Variants in MET observed in about 807,000 individuals in gnomAD.
MET encodes MET proto-oncogene, receptor tyrosine kinase, also known as hepatocyte growth factor receptor.
Under a neutral mutation model 133.1 loss-of-function variants are expected in MET, and 48 were observed. The ratio of observed to expected loss-of-function variants is 0.36; its 90% CI spans 0.29 to 0.46. The LOEUF (loss-of-function observed/expected upper bound fraction) is 0.46. Among genes scored for constraint, MET ranks in the 20% least tolerant of loss-of-function variants. The pLI is 1.00. For missense variants in MET, 1,442 were observed against 1,695.9 expected, an observed-to-expected ratio of 0.85 and a Z score of 2.63; for synonymous variants, 628 against 616.5, an observed-to-expected ratio of 1.02 and a Z score of -0.28.
At chr7:116,765,583 T>TA (rs1157261740) in intron 11 of MET, among the ~76,000 whole-genome samples, 1 of 152,102 alleles carries the variant, frequency 6.6e-6, no homozygotes, top group Non-Finnish European at 1.5e-5. Context: ...GAATGAATCC[T>TA]AAGCCCCATG....
rs1562882697 is a variant in MET at position 116,699,051 on chromosome 7, C to T, written c.-14-20C>T. On this transcript the variant is annotated intron_variant, in intron 1 of 20. Transcript: ENST00000397752. ...ATTTCTGACAACTGAACTGCTCTCG[C>T]CTTGAACCTGTTTTGGCAGATAAAC... is the stretch of plus-strand genomic sequence containing the variant. 1 of 1,613,604 alleles carries T rather than the reference C, an allele frequency of 6.2e-7. No homozygotes were observed. Among genetic ancestry groups the T allele is most frequent in the Non-Finnish European group, 8.5e-7 (1 of 1,179,778 alleles).
At chr7:116,743,768 A>T (rs956723530) in intron 5 of MET, among the ~76,000 whole-genome samples, 1 of 152,174 alleles carries the variant, frequency 6.6e-6, no homozygotes, top group African/African-American at 2.4e-5. Context: ...GGGTCGACAG[A>T]CACCTCACAC....
chr7:116,782,233 T>A (rs369589827), intron 18 of MET, 136 bp downstream of exon 18: 10 of 719,188 alleles, frequency 1.4e-5, no homozygotes, highest in East Asian at 1.4e-4. Context: ...CTTAAATCGA[T>A]GTGTAAGCCC....
rs1795695936 is a variant in MET at position 116,796,862 on chromosome 7, A to C, written c.*738A>C. 5.7e-6 allele frequency: 1 copy of C among 176,560 alleles called. No homozygotes were observed. Among genetic ancestry groups the C allele is most frequent in the Non-Finnish European group, 1.2e-5 (1 of 82,046 alleles). 10.9% of individuals were successfully genotyped at this position (176,560 alleles called of 1,614,324 possible). On this transcript the variant is annotated 3_prime_UTR_variant, in exon 21 of 21. Transcript: ENST00000397752. Reference sequence around the variant, plus strand: ...TCAAACTCCTGGACTCAAGAAATCCACCCACCTCAGCCTCCCAAAGTGCTA... The same window carrying C: ...TCAAACTCCTGGACTCAAGAAATCCCCCCACCTCAGCCTCCCAAAGTGCTA...
intron 1 of MET, among the ~76,000 whole-genome samples, chr7:116,688,867 C>G (rs1796671263): frequency 6.6e-6 from 1 of 152,100 alleles, no homozygotes; most frequent in Non-Finnish European, 1.5e-5. Flanking sequence ...AGAGGGGATG[C>G]AAAAACAGAT....
intron 1 of MET, among the ~76,000 whole-genome samples, chr7:116,678,006 T>C (rs1796222088): frequency 6.6e-6 from 1 of 151,924 alleles, no homozygotes; most frequent in Non-Finnish European, 1.5e-5. Context: ...TCTCTCTGTC[T>C]CTGTCTCTGG....
intron 10 of MET, among the ~76,000 whole-genome samples, chr7:116,760,260 GTTC>G (rs998964185): frequency 2.6e-5 from 4 of 152,016 alleles, no homozygotes; most frequent in Admixed American, 2.0e-4. Context: ...ACAGCCCCCT[GTTC>G]TTCTTATCAT....
chr7:116,721,519 T>C (rs529292238), intron 2 of MET, among the ~76,000 whole-genome samples: 123 of 152,336 alleles, frequency 8.1e-4, no homozygotes, highest in African/African-American at 2.7e-3. Context: ...TTTCTTGCCT[T>C]CTGCTAGCTT....
intron 14 of MET, 44 bp from the exon 15 acceptor site, chr7:116,774,837 G>C (rs772174989): frequency 1.9e-5 from 28 of 1,454,344 alleles, no homozygotes; most frequent in Middle Eastern, 3.5e-4. Context: ...CCCATTAAAT[G>C]AGGTTTTACT....
At chr7:116,793,559 C>A (rs1374515462) in intron 19 of MET, among the ~76,000 whole-genome samples, 2 of 152,096 alleles carry the variant, frequency 1.3e-5, no homozygotes, top group Non-Finnish European at 2.9e-5. Context: ...TTCCCCTACT[C>A]CAACATGTCA....
chr7:116,781,096 C>A (rs1483777546), intron 17 of MET, among the ~76,000 whole-genome samples: 2 of 152,164 alleles, frequency 1.3e-5, no homozygotes, highest in Non-Finnish European at 2.9e-5. Context: ...CCCTAATCAC[C>A]CCAGGGCCCA....
At chr7:116,693,589 G>A (rs1796852312) in intron 1 of MET, among the ~76,000 whole-genome samples, 1 of 152,174 alleles carries the variant, frequency 6.6e-6, no homozygotes, top group Non-Finnish European at 1.5e-5. Context: ...TGCATTATGA[G>A]GAAAGCACCA....
intron 17 of MET, among the ~76,000 whole-genome samples, chr7:116,781,314 G>A (rs1584963606): frequency 6.6e-6 from 1 of 152,200 alleles, no homozygotes; most frequent in East Asian, 1.9e-4. Flanking sequence ...TCCTCCTCTT[G>A]CAAACTGTGA....
chr7:116,795,068 C>T (rs1389527381), intron 19 of MET, among the ~76,000 whole-genome samples: 2 of 152,202 alleles, frequency 1.3e-5, no homozygotes, highest in African/African-American at 2.4e-5. Context: ...AGTACTTTCA[C>T]ATCTTCATGT....
At chr7:116,704,060 T>C (rs528884923) in intron 2 of MET, among the ~76,000 whole-genome samples, 1 of 152,226 alleles carries the variant, frequency 6.6e-6, no homozygotes. Context: ...GGAAAAGCAT[T>C]TGGTGCCAGA....
intron 1 of MET, among the ~76,000 whole-genome samples, chr7:116,687,539 C>G (rs1232496532): frequency 6.6e-6 from 1 of 152,210 alleles, no homozygotes; most frequent in African/African-American, 2.4e-5. Context: ...GAATCCACAT[C>G]TGTACAAAAT....
chr7:116,713,410 A>AC (rs1194400079), intron 2 of MET, among the ~76,000 whole-genome samples: 7 of 150,150 alleles, frequency 4.7e-5, no homozygotes, highest in African/African-American at 1.7e-4. Context: ...AAAAAAAAAA[A>AC]GGAAAAGAAG....
intron 19 of MET, among the ~76,000 whole-genome samples, chr7:116,788,487 C>T (rs1795383726): frequency 6.6e-6 from 1 of 152,164 alleles, no homozygotes; most frequent in Admixed American, 6.5e-5. Context: ...CCCCAACAAA[C>T]ACACACAGAC....
chr7:116,762,145 A>G (rs975444624), intron 10 of MET, among the ~76,000 whole-genome samples: 9 of 152,246 alleles, frequency 5.9e-5, no homozygotes, highest in Admixed American at 2.6e-4. Flanking sequence ...GAAATGAGAC[A>G]TGAAAGGGCA....
Sources: gnomAD v4.1 joint callset for allele counts (sites outside exome capture counted in the v4.1 genomes callset) on GRCh38, gnomAD v4.1.1 for gene constraint, MANE v1.5 for transcripts, NCBI Gene and HGNC (gene_info 2026-07-23, HGNC 2026-07-21) for gene names.